Variants in GFRA2 observed in about 807,000 individuals in gnomAD.
GFRA2 encodes GDNF family receptor alpha-2.
Under a neutral mutation model 48.3 loss-of-function variants are expected in GFRA2, and 17 were observed. The ratio of observed to expected loss-of-function variants is 0.35; its 90% CI spans 0.24 to 0.53. GFRA2 has a LOEUF of 0.53. Among genes scored for constraint, GFRA2 ranks in the 20% least tolerant of loss-of-function variants. The pLI, the probability that GFRA2 is intolerant of heterozygous loss-of-function variation, is 0.93. For missense variants in GFRA2, 660 were observed against 637.3 expected (o/e 1.04, Z -0.38); for synonymous variants, 305 against 257.2 (o/e 1.19, Z -1.78).
intron 3 of GFRA2, among the ~76,000 whole-genome samples, chr8:21,762,677 T>C (rs1243142841): frequency 1.3e-5 from 2 of 152,244 alleles, no homozygotes; most frequent in Non-Finnish European, 2.9e-5. Context: ...AATTTCTTTC[T>C]CCAAGTCCTC....
intron 3 of GFRA2, among the ~76,000 whole-genome samples, chr8:21,766,631 C>T (rs927378506): frequency 6.6e-6 from 1 of 151,070 alleles, no homozygotes; most frequent in East Asian, 2.0e-4. Flanking sequence ...GCCCCTCCCC[C>T]TTGAGCCCCT....
intron 3 of GFRA2, among the ~76,000 whole-genome samples, chr8:21,763,993 ACACACACACACACAC>A (rs1450585152): frequency 8.7e-6 from 1 of 114,376 alleles, no homozygotes; most frequent in African/African-American, 3.6e-5. Context: ...ACACACACAC[ACACACACACACACAC>A]ACCAGCTGAC....
chr8:21,750,516 G>A lies in GFRA2; in HGVS notation c.794+72C>T. 1.2e-6 allele frequency: 1 copy of A among 836,146 alleles called. No homozygotes were observed. The highest frequency in any genetic ancestry group is 1.9e-6 in the Non-Finnish European group (1 of 524,344). 51.8% of individuals were successfully genotyped at this position (836,146 alleles called of 1,614,324 possible). On this transcript the variant is annotated intron_variant, in intron 4 of 8. Transcript: ENST00000524240. The surrounding 1 kb of genome is among the most constrained non-coding windows in gnomAD (Gnocchi z 5.7). ...TAATTCGATGCACCCAAGGAATGCA[G>A]AGAAAGGAAAACACAGCCTGGCAAT...
At chr8:21,698,719 G>A (rs1028070018) in intron 7 of GFRA2, among the ~76,000 whole-genome samples, 7 of 151,632 alleles carry the variant, frequency 4.6e-5, no homozygotes, top group African/African-American at 1.7e-4. Context: ...TGTGAAGTGT[G>A]TAACACTTCA....
intron 4 of GFRA2, among the ~76,000 whole-genome samples, chr8:21,741,617 C>A (rs1179623818): frequency 6.6e-6 from 1 of 152,088 alleles, no homozygotes; most frequent in Admixed American, 6.6e-5. Flanking sequence ...GGGCACACAA[C>A]AAACAGCTGT....
chr8:21,797,242 G>A (rs948838417), intron 2 of GFRA2, among the ~76,000 whole-genome samples: 31 of 151,102 alleles, frequency 2.1e-4, no homozygotes, highest in South Asian at 4.2e-4. Flanking sequence ...CACAGATAAC[G>A]CGGACAATTG....
chr8:21,792,486 T>A (rs955764734), upstream of GFRA2, among the ~76,000 whole-genome samples: 1 of 152,196 alleles, frequency 6.6e-6, no homozygotes, highest in African/African-American at 2.4e-5. Flanking sequence ...GAACGACTTC[T>A]CTGGCCCCAG....
rs1219534405 is a variant in GFRA2 at position 21,751,013 on chromosome 8, G to A, written c.440-71C>T. The A allele has an allele frequency of 8.8e-6, 9 of 1,018,306 alleles. No homozygotes were observed. In the African/African-American group the frequency reaches 1.1e-4, roughly 13 times the overall value. 63.1% of individuals were successfully genotyped at this position (1,018,306 alleles called of 1,614,324 possible). ...GGAGGACACAGCTGCCCCCTCACTG[G>A]AAGATGTCTCCCAGTACTCGATATG... On this transcript the variant is annotated intron_variant, in intron 3 of 8. Transcript: ENST00000524240.
At chr8:21,713,763 A>T (rs1803190707) in intron 4 of GFRA2, among the ~76,000 whole-genome samples, 1 of 152,192 alleles carries the variant, frequency 6.6e-6, no homozygotes, top group Admixed American at 6.5e-5. Flanking sequence ...CCAGGAGCAG[A>T]GTCCAGCAAT....
chr8:21,703,555 C>T (rs1200356688), intron 6 of GFRA2, among the ~76,000 whole-genome samples: 1 of 152,202 alleles, frequency 6.6e-6, no homozygotes, highest in African/African-American at 2.4e-5. Context: ...ATCTCAAACT[C>T]GTTATGTCTA....
chr8:21,743,364 C>T (rs1321676023), intron 4 of GFRA2, among the ~76,000 whole-genome samples: 2 of 152,170 alleles, frequency 1.3e-5, no homozygotes, highest in Non-Finnish European at 2.9e-5. Flanking sequence ...GACTCATCTC[C>T]CCTAAGCAAG....
intron 3 of GFRA2, among the ~76,000 whole-genome samples, chr8:21,769,848 T>G (rs1806363102): frequency 6.6e-6 from 1 of 152,134 alleles, no homozygotes; most frequent in African/African-American, 2.4e-5. Flanking sequence ...GGGGTAGCGT[T>G]TGAGTGCTAT....
intron 2 of GFRA2, among the ~76,000 whole-genome samples, chr8:21,796,574 C>T (rs901525599): frequency 1.3e-5 from 2 of 152,252 alleles, no homozygotes; most frequent in African/African-American, 4.8e-5. Flanking sequence ...TCTCTGAGGA[C>T]ACATGCCTTC....
At chr8:21,783,511 C>A (rs1807116559) in intron 1 of GFRA2, among the ~76,000 whole-genome samples, 1 of 152,050 alleles carries the variant, frequency 6.6e-6, no homozygotes, top group Non-Finnish European at 1.5e-5. Flanking sequence ...GTGGAAACAC[C>A]CCCTCCGATT....
chr8:21,778,114 C>T (rs1036557793), intron 2 of GFRA2, among the ~76,000 whole-genome samples: 9 of 152,314 alleles, frequency 5.9e-5, no homozygotes, highest in African/African-American at 2.2e-4. Context: ...GGCTGAGAAT[C>T]GGAAGGAAAA....
At chr8:21,713,036 CGAGGGA>C (rs372501854) in intron 4 of GFRA2, among the ~76,000 whole-genome samples, 10,514 of 145,784 alleles carry the variant, frequency 0.072, 725 homozygotes, top group African/African-American at 0.19. Flanking sequence ...GAGAGGGAGA[CGAGGGA>C]GAGGGAGAGG....
intron 4 of GFRA2, among the ~76,000 whole-genome samples, chr8:21,715,625 T>C (rs1023155393): frequency 3.3e-5 from 5 of 152,158 alleles, no homozygotes; most frequent in Admixed American, 3.3e-4. Context: ...GGGGGAAACA[T>C]GACCTGGGCT....
Position 21,747,749 on chromosome 8 carries a change from T to A in GFRA2, c.794+2839A>T, listed in dbSNP as rs545607086. Among the ~76,000 whole-genome samples the A allele has an allele frequency of 1.6e-4, 22 of 134,252 alleles. 1 individual carries two copies. Among genetic ancestry groups the A allele is most frequent in the South Asian group, 1.2e-3 (5 of 4,046 alleles). 88.1% of individuals were successfully genotyped at this position (134,252 alleles called of 152,430 possible). On this transcript the variant is annotated intron_variant, in intron 4 of 8. Transcript: ENST00000524240. Reference sequence around the variant, plus strand: ...GCCAGGCCGGGCCCACTGCGGTCCATCTTCCACCACACACACACACACACA... The same window carrying A: ...GCCAGGCCGGGCCCACTGCGGTCCAACTTCCACCACACACACACACACACA...
At chr8:21,793,225 G>C (rs1008104765), upstream of GFRA2, among the ~76,000 whole-genome samples, 3 of 152,164 alleles carry the variant, frequency 2.0e-5, no homozygotes, top group African/African-American at 7.2e-5. Flanking sequence ...AGCCGCTGAA[G>C]GTTTTTGAGC....
Sources: gnomAD v4.1 joint callset for allele counts (sites outside exome capture counted in the v4.1 genomes callset) on GRCh38, gnomAD v4.1.1 for gene constraint, Gnocchi (gnomAD v3.1) non-coding constraint, MANE v1.5 for transcripts, NCBI Gene and HGNC (gene_info 2026-07-23, HGNC 2026-07-21) for gene names.